Variants in PITPNC1 observed in about 807,000 individuals in gnomAD.
PITPNC1 encodes phosphatidylinositol transfer protein cytoplasmic 1.
PITPNC1 carries 18 observed loss-of-function variants against 44.7 expected under a neutral mutation model. The observed-to-expected ratio is 0.40, with a 90% CI of 0.28 to 0.60. PITPNC1 has a LOEUF of 0.60. Ranked by LOEUF, PITPNC1 falls within the 20% of genes least tolerant of loss-of-function variation. The pLI is 0.39. For missense variants in PITPNC1, 290 were observed against 418.4 expected (o/e 0.69, Z 2.68); for synonymous variants, 141 against 149.6 (o/e 0.94, Z 0.42).
intron 6 of PITPNC1, among the ~76,000 whole-genome samples, chr17:67,636,281 C>CAAAAA (rs4020398): frequency 2.6e-5 from 2 of 77,338 alleles, no homozygotes; most frequent in Non-Finnish European, 5.5e-5. Context: ...GACTCCGTTT[C>CAAAAA]AAAAAAAAAA....
intron 2 of PITPNC1, among the ~76,000 whole-genome samples, chr17:67,541,291 A>G (rs2040603410): frequency 6.6e-6 from 1 of 152,208 alleles, no homozygotes; most frequent in Non-Finnish European, 1.5e-5. Context: ...GTAGTTTGGA[A>G]TTACAGGCCA....
intron 2 of PITPNC1, among the ~76,000 whole-genome samples, chr17:67,540,506 A>G (rs1007359032): frequency 2.1e-4 from 32 of 152,232 alleles, no homozygotes; most frequent in Non-Finnish European, 1.2e-4. Context: ...TACACCAACA[A>G]TGGTCTATTT....
In PITPNC1 at chr17:67,417,140, T is replaced by A. The variant is rs529780135; in HGVS notation, c.48+38938T>A. On this transcript the variant is annotated intron_variant, in intron 1 of 8. Transcript: ENST00000581322. ...ACATTCAGCATTCTCTTAAAAAAAA[T>A]TTTTTTTTGAGACATGGTTTTGCTC... 1.1e-4 allele frequency among the ~76,000 whole-genome samples: 16 copies of A among 150,922 alleles called. No homozygotes were observed. The East Asian group carries it at 1.4e-3, about 13-fold the overall frequency.
chr17:67,697,079 G>A lies in PITPNC1; in HGVS notation c.*4191G>A, dbSNP rs1284847258. 6.6e-6 allele frequency: 1 copy of A among 152,148 alleles called. No individual in the cohort carries two copies. The highest frequency in any genetic ancestry group is 1.5e-5 in the Non-Finnish European group (1 of 68,022). The allele number at this position is 152,148 out of a possible 1,614,324, so 9.4% of individuals were successfully genotyped here. A position where few individuals can be genotyped will look rare whatever the true frequency, so the allele number is the denominator to read the frequency against. On this transcript the variant is annotated 3_prime_UTR_variant, in exon 9 of 9. Coordinates refer to ENST00000581322, the MANE Select transcript of PITPNC1 (RefSeq NM_012417.4). Reference sequence around the variant, plus strand: ...ACCACTGCCACTGCTGAAGGACCAGGTGTTGGAATACACAGCATTACAGAC... The same window carrying A: ...ACCACTGCCACTGCTGAAGGACCAGATGTTGGAATACACAGCATTACAGAC...
chr17:67,686,218 T>C (rs985349367), intron 8 of PITPNC1, among the ~76,000 whole-genome samples: 2 of 149,836 alleles, frequency 1.3e-5, no homozygotes, highest in Non-Finnish European at 3.0e-5. Flanking sequence ...TGTTGGGGGC[T>C]GGGGGTCCTG....
chr17:67,510,729 G>A (rs1249230595), intron 1 of PITPNC1, among the ~76,000 whole-genome samples: 1 of 152,092 alleles, frequency 6.6e-6, no homozygotes, highest in Non-Finnish European at 1.5e-5. Context: ...CTCCCTAGTA[G>A]CTGGGATTAC....
intron 6 of PITPNC1, among the ~76,000 whole-genome samples, chr17:67,661,585 G>A (rs1180955718): frequency 1.3e-5 from 2 of 152,092 alleles, no homozygotes; most frequent in Non-Finnish European, 2.9e-5. Flanking sequence ...AGTGCTCTGT[G>A]ACCACACATG....
chr17:67,441,175 A>G (rs2039007412), intron 1 of PITPNC1, among the ~76,000 whole-genome samples: 1 of 152,196 alleles, frequency 6.6e-6, no homozygotes, highest in South Asian at 2.1e-4. Flanking sequence ...GTCTGGGACC[A>G]GCCACTGGCA....
chr17:67,537,333 A>G (rs745866710), intron 2 of PITPNC1, among the ~76,000 whole-genome samples: 6 of 152,240 alleles, frequency 3.9e-5, no homozygotes, highest in Non-Finnish European at 8.8e-5. Flanking sequence ...ACAGCTGTTA[A>G]CATCAATATG....
chr17:67,406,592 T>G (rs1011037163), intron 1 of PITPNC1, among the ~76,000 whole-genome samples: 15 of 26,660 alleles, frequency 5.6e-4, no homozygotes, highest in Non-Finnish European at 1.0e-3. Context: ...TTATATATAG[T>G]TTTTTTTTTT....
At chr17:67,586,784 A>G (rs893585736) in intron 5 of PITPNC1, among the ~76,000 whole-genome samples, 1 of 152,092 alleles carries the variant, frequency 6.6e-6, no homozygotes, top group East Asian at 1.9e-4. Context: ...ACACCCCATT[A>G]CATTGGTTGA....
At chr17:67,656,530 C>T (rs2042270399) in intron 6 of PITPNC1, among the ~76,000 whole-genome samples, 2 of 152,164 alleles carry the variant, frequency 1.3e-5, no homozygotes, top group South Asian at 2.1e-4. Flanking sequence ...TAGATAGATA[C>T]TAGGGGTTAA....
intron 2 of PITPNC1, among the ~76,000 whole-genome samples, chr17:67,546,085 C>T (rs938075180): frequency 7.3e-5 from 11 of 151,562 alleles, no homozygotes; most frequent in Non-Finnish European, 1.3e-4. Context: ...CCCAGCTACT[C>T]GGGAGGCTGA....
chr17:67,411,888 C>T (rs1466099053), intron 1 of PITPNC1, among the ~76,000 whole-genome samples: 1 of 152,058 alleles, frequency 6.6e-6, no homozygotes, highest in Non-Finnish European at 1.5e-5. Flanking sequence ...GAAACTGAGG[C>T]ACAGAGAGGG....
intron 1 of PITPNC1, among the ~76,000 whole-genome samples, chr17:67,423,053 C>T (rs900841859): frequency 4.0e-5 from 6 of 151,690 alleles, no homozygotes; most frequent in Admixed American, 6.6e-5. Flanking sequence ...AATTGCATTA[C>T]GGCTCAACTG....
At chr17:67,675,027 A>G (rs1313204690) in intron 7 of PITPNC1, among the ~76,000 whole-genome samples, 2 of 150,932 alleles carry the variant, frequency 1.3e-5, no homozygotes, top group African/African-American at 4.9e-5. Context: ...AAAAAAAAAA[A>G]AGTGACTTGC....
chr17:67,383,953 C>G (rs1192015652), intron 1 of PITPNC1, among the ~76,000 whole-genome samples: 2 of 152,184 alleles, frequency 1.3e-5, no homozygotes, highest in Non-Finnish European at 2.9e-5. Flanking sequence ...AGGAGAATTA[C>G]TTGAACCAGG....
chr17:67,601,869 G>T (rs201122624), intron 5 of PITPNC1, among the ~76,000 whole-genome samples: 1 of 152,248 alleles, frequency 6.6e-6, no homozygotes, highest in Admixed American at 6.5e-5. Flanking sequence ...AGGCAAGGAG[G>T]GGGAGAAGGG....
At chr17:67,404,892 A>G (rs1210571212) in intron 1 of PITPNC1, among the ~76,000 whole-genome samples, 1 of 152,096 alleles carries the variant, frequency 6.6e-6, no homozygotes, top group African/African-American at 2.4e-5. Flanking sequence ...AGGAGCTTTT[A>G]TAGTGCTTTG....
Sources: gnomAD v4.1 joint callset for allele counts (sites outside exome capture counted in the v4.1 genomes callset) on GRCh38, gnomAD v4.1.1 for gene constraint, MANE v1.5 for transcripts, NCBI Gene and HGNC (gene_info 2026-07-23, HGNC 2026-07-21) for gene names.